PGPEP1L: variants seen among roughly 807,000 people sequenced by gnomAD.
The protein encoded by PGPEP1L is pyroglutamyl-peptidase 1-like protein.
PGPEP1L carries 7 observed loss-of-function variants against 6.0 expected under a neutral mutation model. The observed-to-expected ratio is 1.17, with a 90% CI of 0.66 to 2.19. The LOEUF (loss-of-function observed/expected upper bound fraction) is 2.19. PGPEP1L is among the 30% of genes most tolerant of loss of function. The pLI, the probability that PGPEP1L is intolerant of heterozygous loss-of-function variation, is 0.00. For missense variants in PGPEP1L, 209 were observed against 192.5 expected (o/e 1.09, Z -0.51); for synonymous variants, 103 against 83.9 (o/e 1.23, Z -1.24).
chr15:98,981,925 G>A (rs1487851563), intron 2 of PGPEP1L, among the ~76,000 whole-genome samples: 1 of 152,156 alleles, frequency 6.6e-6, no homozygotes, highest in Middle Eastern at 3.2e-3. Context: ...TGGGGGCCAT[G>A]TAGGAAGTAG....
chr15:98,972,590 C>A (rs2017513301), intron 2 of PGPEP1L, among the ~76,000 whole-genome samples: 1 of 151,852 alleles, frequency 6.6e-6, no homozygotes, highest in African/African-American at 2.4e-5. Flanking sequence ...TGCAGTGGGC[C>A]GGGCACAGTG....
intron 2 of PGPEP1L, among the ~76,000 whole-genome samples, chr15:98,980,521 C>A (rs141687152): frequency 1.3e-5 from 2 of 152,178 alleles, no homozygotes; most frequent in Non-Finnish European, 2.9e-5. Context: ...CACTTGCACT[C>A]CCAGTAACCG....
intron 2 of PGPEP1L, among the ~76,000 whole-genome samples, chr15:99,000,034 C>T (rs1386779943): frequency 1.3e-5 from 2 of 152,240 alleles, no homozygotes; most frequent in African/African-American, 4.8e-5. Context: ...TCTCAGCTTG[C>T]AGGGAGGCGT....
intron 2 of PGPEP1L, among the ~76,000 whole-genome samples, chr15:98,985,606 CTAAA>C (rs1437889628): frequency 1.3e-5 from 2 of 152,212 alleles, no homozygotes; most frequent in Non-Finnish European, 2.9e-5. Flanking sequence ...TTCCTCTGAA[CTAAA>C]TGTTTCCTGA....
intron 2 of PGPEP1L, among the ~76,000 whole-genome samples, chr15:98,996,528 G>A (rs1596525990): frequency 2.8e-3 from 2 of 702 alleles, no homozygotes; most frequent in African/African-American, 0.012. Flanking sequence ...AGGGGTATGT[G>A]TGTGTGTGTG....
In PGPEP1L at chr15:99,007,381, A is replaced by G. The variant is rs1995798; in HGVS notation, c.-392T>C. The G allele has an allele frequency of 0.83, 127,144 of 152,490 alleles. 53,172 individuals carry two copies. The highest frequency in any genetic ancestry group is 0.94 in the East Asian group (4,851 of 5,186). The allele number at this position is 152,490 out of a possible 1,614,324, so 9.4% of individuals were successfully genotyped here. A position where few individuals can be genotyped will look rare whatever the true frequency, so the allele number is the denominator to read the frequency against. ...TACCTAGTTCCGTCATGGTGTGTCCAGAATCGGCGGATTCTTGGTCTCACT... is the reference window on the plus strand; with the variant it reads ...TACCTAGTTCCGTCATGGTGTGTCCGGAATCGGCGGATTCTTGGTCTCACT... On this transcript the variant is annotated 5_prime_UTR_variant, in exon 1 of 5. Transcript: ENST00000535714.
At chr15:99,004,256 A>T (rs1555473370) in intron 2 of PGPEP1L, among the ~76,000 whole-genome samples, 3 of 151,984 alleles carry the variant, frequency 2.0e-5, no homozygotes, top group African/African-American at 7.2e-5. Flanking sequence ...CTAAAATAAA[A>T]TAAATTGGGG....
intron 2 of PGPEP1L, among the ~76,000 whole-genome samples, chr15:98,975,675 G>GT (rs1164524817): frequency 6.6e-6 from 1 of 152,170 alleles, no homozygotes; most frequent in Non-Finnish European, 1.5e-5. Context: ...GATGTCAGGA[G>GT]TTTGAGACCA....
chr15:98,986,227 G>A (rs894539101), intron 2 of PGPEP1L, among the ~76,000 whole-genome samples: 11 of 152,280 alleles, frequency 7.2e-5, no homozygotes, highest in Non-Finnish European at 1.5e-4. Context: ...TGGGAATGAG[G>A]TGACTCATGT....
At chr15:98,991,774 T>G (rs1249142856) in intron 2 of PGPEP1L, among the ~76,000 whole-genome samples, 1 of 152,194 alleles carries the variant, frequency 6.6e-6, no homozygotes, top group East Asian at 1.9e-4. Flanking sequence ...GTCAGCTTCA[T>G]CCCTGGGATG....
chr15:98,981,169 ACT>A (rs2017653148), intron 2 of PGPEP1L, among the ~76,000 whole-genome samples: 1 of 151,740 alleles, frequency 6.6e-6, no homozygotes, highest in African/African-American at 2.4e-5. Context: ...TCCTGGCCAG[ACT>A]CTTCAAAACC....
intron 2 of PGPEP1L, among the ~76,000 whole-genome samples, chr15:98,981,299 TG>T (rs1235114088): frequency 3.3e-5 from 5 of 151,992 alleles, no homozygotes; most frequent in Admixed American, 6.5e-5. Context: ...CAGACCATCC[TG>T]GCTAACACAG....
At chr15:98,990,676 C>A (rs1034595766) in intron 2 of PGPEP1L, among the ~76,000 whole-genome samples, 2 of 152,230 alleles carry the variant, frequency 1.3e-5, no homozygotes, top group Non-Finnish European at 2.9e-5. Flanking sequence ...CTCAGCACCA[C>A]ATCACACTTA....
intron 2 of PGPEP1L, among the ~76,000 whole-genome samples, chr15:99,000,710 G>A (rs2017954406): frequency 6.6e-6 from 1 of 152,034 alleles, no homozygotes; most frequent in African/African-American, 2.4e-5. Context: ...CTAACTCAGG[G>A]ATTATAAACA....
chr15:99,006,736 A>C (rs555873188), intron 1 of PGPEP1L, among the ~76,000 whole-genome samples: 31 of 152,342 alleles, frequency 2.0e-4, no homozygotes, highest in African/African-American at 7.5e-4. Flanking sequence ...GGATCACTTG[A>C]GCCGTCAGTC....
chr15:98,975,090 GA>G (rs1261678194), intron 2 of PGPEP1L, among the ~76,000 whole-genome samples: 3 of 152,176 alleles, frequency 2.0e-5, no homozygotes, highest in African/African-American at 7.2e-5. Flanking sequence ...ATGAATGAAT[GA>G]ATGGATACAG....
chr15:98,999,737 G>A (rs1555472769), intron 2 of PGPEP1L, among the ~76,000 whole-genome samples: 1 of 152,234 alleles, frequency 6.6e-6, no homozygotes, highest in Non-Finnish European at 1.5e-5. Context: ...AATACACTCA[G>A]CAGTGGAAGA....
chr15:98,968,763 G>A, intron 4 of PGPEP1L, 66 bp from the exon 5 acceptor site: 1 of 1,451,276 alleles, frequency 6.9e-7, no homozygotes. Context: ...AACATACGCA[G>A]AAGTGGCAAT....
rs551413308 is a variant in PGPEP1L, at chr15:98,969,611, A to G, written c.23T>C (p.Ile8Thr). MDTAAKA[I>T]ILEQSGKNQG... ...GTTCTTGCCAGACTGTTCCAGAATGATCGCCTTGGCGGCGGTGTCCATGCC... is the reference window on the plus strand; with the variant it reads ...GTTCTTGCCAGACTGTTCCAGAATGGTCGCCTTGGCGGCGGTGTCCATGCC... Residue 8 changes from isoleucine to threonine, a missense_variant, in exon 4 of 5, where the codon ATC becomes ACC. By Grantham distance (89) the Ile-to-Thr change is moderately conservative (BLOSUM62 -1). Coordinates refer to ENST00000535714, the MANE Select transcript of PGPEP1L (RefSeq NM_001167902.2). 2 of 1,613,336 alleles carry G rather than the reference A, an allele frequency of 1.2e-6. No homozygotes were observed. Among genetic ancestry groups the G allele is most frequent in the South Asian group, 1.1e-5 (1 of 91,074 alleles).
Sources: gnomAD v4.1 joint callset for allele counts (sites outside exome capture counted in the v4.1 genomes callset) on GRCh38, gnomAD v4.1.1 for gene constraint, MANE v1.5 for transcripts, NCBI Gene and HGNC (gene_info 2026-07-23, HGNC 2026-07-21) for gene names.